APBA1: variants seen among roughly 807,000 people sequenced by gnomAD.
APBA1 encodes amyloid beta precursor protein binding family A member 1, also known as amyloid-beta A4 precursor protein-binding family A member 1.
APBA1 carries 55 observed loss-of-function variants against 86.6 expected under a neutral mutation model. The ratio of observed to expected loss-of-function variants is 0.64; its 90% confidence interval spans 0.51 to 0.80. The LOEUF (loss-of-function observed/expected upper bound fraction) is 0.80. Ranked by LOEUF, APBA1 falls within the 30% of genes least tolerant of loss-of-function variation. APBA1 has a pLI of 0.00. For synonymous variants in APBA1, 511 were observed against 493.9 expected (o/e 1.03, Z -0.46); for missense variants, 1,090 against 1,183.0 (o/e 0.92, Z 1.15).
At chr9:69,666,123 T>G (rs916271245) in intron 1 of APBA1, among the ~76,000 whole-genome samples, 2 of 152,366 alleles carry the variant, frequency 1.3e-5, no homozygotes, top group African/African-American at 4.8e-5. Flanking sequence ...AATACAGCCT[T>G]ATGGGCAAAC....
intron 1 of APBA1, among the ~76,000 whole-genome samples, chr9:69,653,709 G>A (rs917758139): frequency 3.3e-5 from 5 of 152,152 alleles, no homozygotes. Flanking sequence ...AATAATAAAT[G>A]AGTCAATGAA....
At chr9:69,592,992 A>C (rs1822160407) in intron 1 of APBA1, among the ~76,000 whole-genome samples, 1 of 152,210 alleles carries the variant, frequency 6.6e-6, no homozygotes, top group African/African-American at 2.4e-5. Flanking sequence ...TAAAATGATA[A>C]AGGCTTCTGC....
intron 1 of APBA1, among the ~76,000 whole-genome samples, chr9:69,523,283 A>G (rs950271725): frequency 1.3e-5 from 2 of 151,790 alleles, no homozygotes; most frequent in African/African-American, 4.8e-5. Context: ...TAGCATATTC[A>G]GAAGTAGTGT....
intron 1 of APBA1, among the ~76,000 whole-genome samples, chr9:69,581,337 C>T (rs757128477): frequency 6.6e-6 from 1 of 152,146 alleles, no homozygotes; most frequent in East Asian, 1.9e-4. Flanking sequence ...ACATCCTTGA[C>T]ATTTACCTTA....
intron 1 of APBA1, among the ~76,000 whole-genome samples, chr9:69,595,687 G>A (rs945734365): frequency 6.6e-6 from 1 of 152,132 alleles, no homozygotes; most frequent in Non-Finnish European, 1.5e-5. Flanking sequence ...CCACAGTGAG[G>A]CTAAATACCC....
chr9:69,603,426 T>C (rs1408344181), intron 1 of APBA1, among the ~76,000 whole-genome samples: 1 of 152,226 alleles, frequency 6.6e-6, no homozygotes, highest in Non-Finnish European at 1.5e-5. Context: ...ATGTGAAATA[T>C]CCTGATCAGC....
intron 4 of APBA1, among the ~76,000 whole-genome samples, chr9:69,469,666 G>C (rs568965020): frequency 6.6e-6 from 1 of 152,092 alleles, no homozygotes; most frequent in Non-Finnish European, 1.5e-5. Context: ...AGATGGATTC[G>C]GGCTATATAT....
At chr9:69,643,055 C>G (rs1002697388) in intron 1 of APBA1, among the ~76,000 whole-genome samples, 6 of 151,934 alleles carry the variant, frequency 3.9e-5, no homozygotes, top group African/African-American at 9.7e-5. Context: ...CCTCCTCCCC[C>G]CTCCACACAC....
chr9:69,528,358 T>C (rs908338972), intron 1 of APBA1, among the ~76,000 whole-genome samples: 8 of 152,114 alleles, frequency 5.3e-5, no homozygotes, highest in African/African-American at 1.9e-4. Context: ...TATGCAGACT[T>C]TCTTATTGTC....
chr9:69,640,314 TC>T (rs1823262071), intron 1 of APBA1, among the ~76,000 whole-genome samples: 1 of 152,068 alleles, frequency 6.6e-6, no homozygotes, highest in Non-Finnish European at 1.5e-5. Flanking sequence ...GTGTGAGCCC[TC>T]ACTCCCGGGA....
chr9:69,501,629 AACACACACACACACACACACACAC>A (rs57033911), intron 2 of APBA1, among the ~76,000 whole-genome samples: 20 of 142,188 alleles, frequency 1.4e-4, no homozygotes, highest in East Asian at 4.2e-4. Flanking sequence ...GTCTCTACAA[AACACACACACACACACACACACAC>A]ACACACACAC....
At chr9:69,524,050 A>T (rs1588340451) in intron 1 of APBA1, among the ~76,000 whole-genome samples, 2 of 152,172 alleles carry the variant, frequency 1.3e-5, no homozygotes, top group Admixed American at 1.3e-4. Context: ...AAAGAGAGAC[A>T]CAGATACCAA....
intron 1 of APBA1, among the ~76,000 whole-genome samples, chr9:69,566,415 T>A (rs1837027647): frequency 6.6e-6 from 1 of 152,198 alleles, no homozygotes; most frequent in Non-Finnish European, 1.5e-5. Context: ...ATGTACTGGG[T>A]CTTTTATCTG....
At chr9:69,483,096 G>A (rs1342637349) in intron 2 of APBA1, among the ~76,000 whole-genome samples, 2 of 122,246 alleles carry the variant, frequency 1.6e-5, no homozygotes, top group African/African-American at 6.2e-5. Context: ...ATGTGCACAT[G>A]TACCCTAAAA....
intron 1 of APBA1, among the ~76,000 whole-genome samples, chr9:69,612,457 C>G (rs190679545): frequency 6.6e-6 from 1 of 151,992 alleles, no homozygotes; most frequent in African/African-American, 2.4e-5. Context: ...ACATAAATTG[C>G]TGAACATAAA....
chr9:69,444,562 C>G (rs1396047456), intron 10 of APBA1, among the ~76,000 whole-genome samples: 1 of 152,226 alleles, frequency 6.6e-6, no homozygotes, highest in Non-Finnish European at 1.5e-5. Context: ...ATGTCTCTGG[C>G]AGTCCTAATT....
At chr9:69,522,496 G>A (rs1288181532) in intron 1 of APBA1, among the ~76,000 whole-genome samples, 1 of 152,150 alleles carries the variant, frequency 6.6e-6, no homozygotes, top group Non-Finnish European at 1.5e-5. Flanking sequence ...CTGCATCTGA[G>A]TGTGTTAATC....
chr9:69,542,869 C>T (rs1031663578), intron 1 of APBA1, among the ~76,000 whole-genome samples: 3 of 152,064 alleles, frequency 2.0e-5, no homozygotes, highest in African/African-American at 7.2e-5. Flanking sequence ...TTCGTTGAAC[C>T]AAATCAAAAT....
At chr9:69,667,318 G>A (rs543700499) in intron 1 of APBA1, among the ~76,000 whole-genome samples, 33 of 152,188 alleles carry the variant, frequency 2.2e-4, no homozygotes, top group Non-Finnish European at 3.4e-4. Context: ...ATTATATAGC[G>A]TTAATTGGTT....
Sources: gnomAD v4.1 joint callset for allele counts (sites outside exome capture counted in the v4.1 genomes callset) on GRCh38, gnomAD v4.1.1 for gene constraint, MANE v1.5 for transcripts, NCBI Gene and HGNC (gene_info 2026-07-23, HGNC 2026-07-21) for gene names.